GUK1: variants seen among roughly 807,000 people sequenced by gnomAD.
The protein encoded by GUK1 is guanylate kinase 1, also known as guanylate kinase.
In GUK1, 18 loss-of-function variants were observed where a neutral mutation model predicts 25.2. The observed-to-expected ratio is 0.71, with a 90% CI of 0.49 to 1.06. GUK1 has a LOEUF of 1.06. Among genes scored for constraint, GUK1 ranks in the 50% least tolerant of loss-of-function variants. The pLI, the probability that GUK1 is intolerant of heterozygous loss-of-function variation, is 0.00. For missense variants in GUK1, 261 were observed against 276.7 expected (o/e 0.94, Z 0.40); for synonymous variants, 105 against 117.6 (o/e 0.89, Z 0.69).
chr1:228,147,355 G>C (rs753730986), intron 5 of GUK1, 51 bp from the exon 5 acceptor site: 1 of 1,566,958 alleles, frequency 6.4e-7, no homozygotes, highest in East Asian at 2.2e-5. Context: ...TGAAGCTCCT[G>C]TAGGCCTCAG....
chr1:228,140,364 G>T lies in GUK1; in HGVS notation c.-168+1G>T, dbSNP rs565663407. On this transcript the variant is annotated splice_donor_variant, in intron 1 of 8. Transcript: ENST00000312726. LOFTEE classifies it low-confidence loss of function (5UTR_SPLICE). ...GCCCTGGGCCGGGCCCCACCGGACG[G>T]TGAGTACGACAAGCGCGATCGCGAG... 154 of 1,521,868 alleles carry T rather than the reference G, an allele frequency of 1.0e-4. No homozygotes were observed. Among genetic ancestry groups the T allele is most frequent in the Non-Finnish European group, 1.3e-4 (151 of 1,143,232 alleles). The allele number at this position is 1,521,868 out of a possible 1,614,324, so 94.3% of individuals were successfully genotyped here.
intron 3 of GUK1, 136 bp from the exon 3 acceptor site, chr1:228,145,890 C>T (rs967428548): frequency 2.6e-6 from 2 of 765,050 alleles, no homozygotes; most frequent in East Asian, 2.5e-5. Flanking sequence ...CTTGTAGGCT[C>T]CTGCGCCTTC....
At position 228,141,749 on chromosome 1, in the gene GUK1, A is replaced by G. The variant is rs1317829152; in HGVS notation, c.-3+461A>G. 4.5e-6 allele frequency: 6 copies of G among 1,323,236 alleles called. No homozygotes were observed. In the Admixed American group the frequency reaches 6.4e-5, roughly 14 times the overall value. 82.0% of individuals were successfully genotyped at this position (1,323,236 alleles called of 1,614,324 possible). ...TCCAGGGAGCGTTCTGGCAGAGACCATTCCGGAACATGGATCTGCGCCGGC... is the reference window on the plus strand; with the variant it reads ...TCCAGGGAGCGTTCTGGCAGAGACCGTTCCGGAACATGGATCTGCGCCGGC... On this transcript the variant is annotated intron_variant, in intron 2 of 8. Transcript: ENST00000312726.
chr1:228,144,096 G>A (rs2034223550), intron 2 of GUK1, among the ~76,000 whole-genome samples: 1 of 152,226 alleles, frequency 6.6e-6, no homozygotes, highest in African/African-American at 2.4e-5. Flanking sequence ...GTGTGTGCAT[G>A]CATGTGTGTG....
Position 228,148,490 on chromosome 1 carries a change from C to T in GUK1, c.561+34C>T, listed in dbSNP as rs574202623. 7.7e-5 allele frequency: 116 copies of T among 1,514,832 alleles called. No individual in the cohort carries two copies. In the South Asian group the frequency reaches 1.3e-3, roughly 17 times the overall value. 93.8% of individuals were successfully genotyped at this position (1,514,832 alleles called of 1,614,324 possible). ...ATCCTTGTGCCTACCTGGGCAAGGC[C>T]CAAGGGGAGGCCTGGGGGCCAGGCC... On this transcript the variant is annotated intron_variant, in intron 8 of 8. Coordinates refer to ENST00000312726, the MANE Select transcript of GUK1 (RefSeq NM_000858.7).
At chr1:228,140,256 G>T (rs1571877380), upstream of GUK1, 1 of 1,493,032 alleles carries the variant, frequency 6.7e-7, no homozygotes, top group South Asian at 1.2e-5. Context: ...AGGTGGGCCG[G>T]TGCGGCGCTG....
At position 228,147,621 on chromosome 1, in the gene GUK1, C is replaced by T. The variant is rs758933174; in HGVS notation, c.397C>T (p.Arg133Trp). Residue 133 changes from arginine to tryptophan, a missense_variant, in exon 7 of 9, where the codon CGG becomes TGG. Arg to Trp is a moderately radical substitution (Grantham distance 101). Coordinates refer to ENST00000312726, the MANE Select transcript of GUK1 (RefSeq NM_000858.7). ...ATTGCCACCCCCTTTTTAGGAGCAG[C>T]GGCTGCGGCAGCGCAACACTGAAAC... 1.1e-5 allele frequency: 17 copies of T among 1,612,888 alleles called. No homozygotes were observed. Among genetic ancestry groups the T allele is most frequent in the African/African-American group, 8.0e-5 (6 of 74,908 alleles).
chr1:228,144,303 G>T (rs2034240168), intron 2 of GUK1: 1 of 152,282 alleles, frequency 6.6e-6, no homozygotes, highest in Non-Finnish European at 1.5e-5. Flanking sequence ...AGGCGGCTGT[G>T]CCCTAAACAG....
chr1:228,144,126 C>G (rs192185216), intron 2 of GUK1, among the ~76,000 whole-genome samples: 2 of 152,154 alleles, frequency 1.3e-5, no homozygotes, highest in African/African-American at 4.8e-5. Context: ...TAGGTTTGTG[C>G]ACACATCCTG....
chr1:228,142,925 C>T (rs149953266), intron 2 of GUK1, among the ~76,000 whole-genome samples: 33 of 151,846 alleles, frequency 2.2e-4, no homozygotes, highest in Non-Finnish European at 3.1e-4. Flanking sequence ...TGATGTGCCA[C>T]GTGTGCCTTG....
At chr1:228,140,183 G>A (rs1373758020), upstream of GUK1, 4 of 824,920 alleles carry the variant, frequency 4.8e-6, no homozygotes, top group East Asian at 5.8e-5. Flanking sequence ...TAAGGGGCGG[G>A]GAAGAACGAG....
rs1267343766 is a variant in GUK1 at position 228,143,909 on chromosome 1, G to A, written c.-2-1602G>A. Among the ~76,000 whole-genome samples the A allele has an allele frequency of 3.3e-5, 5 of 152,348 alleles. No homozygotes were observed. The South Asian group carries it at 1.0e-3, about 32-fold the overall frequency. On this transcript the variant is annotated intron_variant, in intron 2 of 8. Transcript: ENST00000312726. ...GAGGGAGGAGTCTATCCCTTATGGA[G>A]AGCACATGGACTTCTGGGTGGGTGT...
intron 4 of GUK1, 103 bp from the exon 4 acceptor site, chr1:228,146,739 G>C (rs962413308): frequency 1.3e-6 from 1 of 781,286 alleles, no homozygotes; most frequent in Admixed American, 1.8e-5. Flanking sequence ...GCAGTCGTGG[G>C]TGTGGGAGGG....
chr1:228,147,649 A>G lies in GUK1; in HGVS notation c.425A>G (p.Glu142Gly), dbSNP rs1225155969. The change falls in exon 7 of 9, where the codon GAG (glutamate) becomes GGG (glycine). Residue 142 changes from glutamate (E) to glycine (G), a missense_variant. Physicochemically the swap from Glu to Gly is moderately conservative, Grantham distance 98. Coordinates refer to ENST00000312726, the MANE Select transcript of GUK1 (RefSeq NM_000858.7). Reference sequence around the variant, plus strand: ...CTGCGGCAGCGCAACACTGAAACCGAGGAGAGCCTGGTGAAGCGGCTGGCT... The same window carrying G: ...CTGCGGCAGCGCAACACTGAAACCGGGGAGAGCCTGGTGAAGCGGCTGGCT... The G allele has an allele frequency of 6.2e-7, 1 of 1,613,020 alleles. No individual in the cohort carries two copies. The highest frequency in any genetic ancestry group is 1.7e-5 in the Admixed American group (1 of 60,020).
At position 228,141,241 on chromosome 1, in the gene GUK1, G is replaced by A. The variant is rs2034025867; in HGVS notation, c.-50G>A. 11 of 983,872 alleles carry A rather than the reference G, an allele frequency of 1.1e-5. No individual in the cohort carries two copies. Among genetic ancestry groups the A allele is most frequent in the Non-Finnish European group, 1.3e-5 (11 of 828,554 alleles). The allele number at this position is 983,872 out of a possible 1,614,324, so 60.9% of individuals were successfully genotyped here. A position where few individuals can be genotyped will look rare whatever the true frequency, so the allele number is the denominator to read the frequency against. Reference sequence around the variant, plus strand: ...AGCCGCGCAGCATCGTGAAGGGCTGGGGCCTTCACTCCTCTGTGGCTCTGG... The same window carrying A: ...AGCCGCGCAGCATCGTGAAGGGCTGAGGCCTTCACTCCTCTGTGGCTCTGG... On this transcript the variant is annotated 5_prime_UTR_variant, in exon 2 of 9. Coordinates refer to ENST00000312726, the MANE Select transcript of GUK1 (RefSeq NM_000858.7).
chr1:228,144,668 G>A (rs2034269187), intron 2 of GUK1: 2 of 964,448 alleles, frequency 2.1e-6, no homozygotes, highest in Non-Finnish European at 2.5e-6. Flanking sequence ...GCGTAGTGGG[G>A]ATTAGGGACT....
At chr1:228,147,277 G>A (rs2034433382) in intron 5 of GUK1, 129 bp from the exon 5 acceptor site, 2 of 878,086 alleles carry the variant, frequency 2.3e-6, no homozygotes, top group Non-Finnish European at 3.4e-6. Context: ...GTCGGGTGCT[G>A]GGTCCAGGCC....
chr1:228,140,540 A>G (rs1310818990), intron 1 of GUK1, among the ~76,000 whole-genome samples, 177 bp downstream of exon 1: 1 of 152,186 alleles, frequency 6.6e-6, no homozygotes, highest in Non-Finnish European at 1.5e-5. Flanking sequence ...ACGGGCTGGC[A>G]ACGCAGCGGA....
chr1:228,148,138 G>A, intron 7 of GUK1: 1 of 633,988 alleles, frequency 1.6e-6, no homozygotes, highest in Non-Finnish European at 2.9e-6. Flanking sequence ...CCTGATGGGT[G>A]CTGGTGTCCA....
Sources: allele counts gnomAD v4.1 joint callset (sites outside exome capture counted in the v4.1 genomes callset), GRCh38; gene constraint gnomAD v4.1.1; transcripts MANE v1.5; gene names NCBI Gene and HGNC (gene_info 2026-07-23, HGNC 2026-07-21).